ZNF536: variants seen among roughly 807,000 people sequenced by gnomAD.
ZNF536 encodes the protein zinc finger protein 536.
A neutral mutation model predicts 84.5 loss-of-function variants in ZNF536; 13 were observed. The observed-to-expected ratio is 0.15, with a 90% CI of 0.10 to 0.24. The LOEUF (loss-of-function observed/expected upper bound fraction) is 0.24. Ranked by LOEUF, ZNF536 falls within the 10% of genes least tolerant of loss-of-function variation. ZNF536 has a pLI of 1.00. For synonymous variants in ZNF536, 811 were observed against 742.5 expected (o/e 1.09, Z -1.50); for missense variants, 1,536 against 1,747.5 (o/e 0.88, Z 2.16).
intron 2 of ZNF536, among the ~76,000 whole-genome samples, chr19:30,295,141 A>T (rs1015135650): frequency 1.3e-5 from 2 of 152,318 alleles, no homozygotes; most frequent in African/African-American, 2.4e-5. Flanking sequence ...TGCATACTTA[A>T]CAGGCTCCCA....
At chr19:30,325,411 C>T (rs2046991643) in intron 2 of ZNF536, among the ~76,000 whole-genome samples, 1 of 152,192 alleles carries the variant, frequency 6.6e-6, no homozygotes, top group Non-Finnish European at 1.5e-5. Context: ...CAAGCTGCTC[C>T]CTTTTGGTGG....
chr19:30,259,433 G>A (rs893855552), intron 1 of ZNF536, among the ~76,000 whole-genome samples: 3 of 152,204 alleles, frequency 2.0e-5, no homozygotes, highest in Non-Finnish European at 4.4e-5. Flanking sequence ...TCACCAGGGA[G>A]CTTGTTAGAA....
chr19:30,667,909 C>A (rs562065606), intron 1 of ZNF536, among the ~76,000 whole-genome samples: 2 of 151,994 alleles, frequency 1.3e-5, no homozygotes, highest in Non-Finnish European at 2.9e-5. Context: ...CTCATTTCAT[C>A]GATGGGGAAA....
upstream of ZNF536, among the ~76,000 whole-genome samples, chr19:30,371,104 G>T (rs543008886): frequency 3.3e-5 from 5 of 152,348 alleles, no homozygotes; most frequent in East Asian, 9.6e-4. Context: ...TAGAATGCAG[G>T]CAGTGTCTGA....
At chr19:30,406,536 A>G (rs2050268004) in intron 1 of ZNF536, among the ~76,000 whole-genome samples, 1 of 152,224 alleles carries the variant, frequency 6.6e-6, no homozygotes, top group African/African-American at 2.4e-5. Flanking sequence ...TACCTGAGAT[A>G]GGAAATGCGT....
At position 30,445,433 on chromosome 19, in the gene ZNF536, G is replaced by A. The variant is rs368393123; in HGVS notation, c.1871G>A (p.Gly624Glu). 1.9e-5 allele frequency: 31 copies of A among 1,614,120 alleles called. No individual in the cohort carries two copies. The highest frequency in any genetic ancestry group is 2.6e-5 in the Non-Finnish European group (31 of 1,180,022). Reference protein sequence around the residue: ...QTLEYNLQGPGNMKEKPTECP... With the variant: ...QTLEYNLQGPENMKEKPTECP... Reference sequence around the variant, plus strand: ...CTCGAGTATAACCTGCAGGGTCCTGGGAACATGAAGGAGAAGCCCACCGAG... The same window carrying A: ...CTCGAGTATAACCTGCAGGGTCCTGAGAACATGAAGGAGAAGCCCACCGAG... Residue 624 changes from glycine to glutamate, a missense_variant, in exon 2 of 5, where the codon GGG (glycine) becomes GAG (glutamate). By Grantham distance (98) the Gly-to-Glu change is moderately conservative (BLOSUM62 -2). This residue lies in a region of ZNF536 where 366 missense variants were observed against 364.4 expected (regional missense o/e 1.00). Coordinates refer to ENST00000355537, the MANE Select transcript of ZNF536 (RefSeq NM_014717.3). The surrounding 1 kb of genome is among the most constrained non-coding windows in gnomAD (Gnocchi z 4.5).
Position 30,651,429 on chromosome 19 carries a change from G to A in ZNF536, c.170-59328G>A, listed in dbSNP as rs1296218379. The stretch of plus-strand genomic sequence containing the variant: ...CTCTTTCACCGTGCAGAAAGCAAGG[G>A]GGAGGGAGGAAGGGAAGCTCCAGGT... On this transcript the variant is annotated intron_variant, in intron 1 of 1. Coordinates refer to the ZNF536 transcript ENST00000592773. 3.9e-5 allele frequency among the ~76,000 whole-genome samples: 6 copies of A among 152,266 alleles called. No individual in the cohort carries two copies. In the East Asian group the frequency reaches 1.2e-3, roughly 29 times the overall value.
chr19:30,497,011 A>T (rs1383966121), intron 2 of ZNF536, among the ~76,000 whole-genome samples: 2 of 152,144 alleles, frequency 1.3e-5, no homozygotes, highest in East Asian at 3.9e-4. Flanking sequence ...CAGCAGTGTG[A>T]TGCTCTTTAC....
At chr19:30,404,415 G>A (rs2147570029) in intron 1 of ZNF536, among the ~76,000 whole-genome samples, 1 of 152,324 alleles carries the variant, frequency 6.6e-6, no homozygotes, top group South Asian at 2.1e-4. Context: ...TGAGGCGCAT[G>A]GCATGTGGAG....
intron 4 of ZNF536, among the ~76,000 whole-genome samples, chr19:30,552,306 C>T (rs1173262759): frequency 6.6e-6 from 1 of 152,184 alleles, no homozygotes; most frequent in Non-Finnish European, 1.5e-5. Flanking sequence ...GATTTCTCAT[C>T]TCAGATGGAT....
chr19:30,407,191 A>G (rs1453883250), intron 1 of ZNF536, among the ~76,000 whole-genome samples: 2 of 152,176 alleles, frequency 1.3e-5, no homozygotes, highest in Admixed American at 1.3e-4. Flanking sequence ...GACTGACCTT[A>G]TGATCCCCAG....
chr19:30,494,815 G>A (rs989861226), intron 2 of ZNF536, among the ~76,000 whole-genome samples: 1 of 151,872 alleles, frequency 6.6e-6, no homozygotes, highest in African/African-American at 2.4e-5. Flanking sequence ...GGGTGGTGGC[G>A]TGCACCTATA....
chr19:30,411,836 G>T (rs1341159744), intron 1 of ZNF536, among the ~76,000 whole-genome samples: 1 of 151,936 alleles, frequency 6.6e-6, no homozygotes, highest in Non-Finnish European at 1.5e-5. Context: ...TGATCTTATT[G>T]ATAATTTGAC....
intron 1 of ZNF536, among the ~76,000 whole-genome samples, chr19:30,281,409 C>G (rs1038686414): frequency 6.6e-6 from 1 of 152,212 alleles, no homozygotes; most frequent in African/African-American, 2.4e-5. Context: ...CCACCAGGGC[C>G]CTGCCTGCAC....
At chr19:30,679,538 G>A (rs894063769) in intron 1 of ZNF536, among the ~76,000 whole-genome samples, 5 of 152,220 alleles carry the variant, frequency 3.3e-5, no homozygotes, top group African/African-American at 7.2e-5. Context: ...TCCCCTCCAC[G>A]AACTGCCCCC....
chr19:30,242,616 C>T (rs2024017151), intron 1 of ZNF536, among the ~76,000 whole-genome samples: 1 of 152,178 alleles, frequency 6.6e-6, no homozygotes. Context: ...TTACTTAGGA[C>T]CTGACCCTTT....
At chr19:30,630,467 C>T (rs974847033) in intron 1 of ZNF536, among the ~76,000 whole-genome samples, 5 of 151,996 alleles carry the variant, frequency 3.3e-5, no homozygotes, top group Non-Finnish European at 7.4e-5. Context: ...CCTGCATTTG[C>T]ATGGCTGTGT....
intron 1 of ZNF536, among the ~76,000 whole-genome samples, chr19:30,238,823 T>TAA (rs11383447): frequency 1.1e-3 from 156 of 145,626 alleles, no homozygotes; most frequent in East Asian, 8.5e-3. Context: ...TGTTCCAAAT[T>TAA]AAAAAAAAAA....
chr19:30,247,245 T>A (rs2024331042), intron 1 of ZNF536, among the ~76,000 whole-genome samples: 1 of 152,160 alleles, frequency 6.6e-6, no homozygotes. Flanking sequence ...AAACACAGGG[T>A]GGAGGCAGAA....
Sources: gnomAD v4.1 joint callset for allele counts (sites outside exome capture counted in the v4.1 genomes callset) on GRCh38, gnomAD v4.1.1 for gene constraint, gnomAD v4.1.1 regional missense constraint, Gnocchi (gnomAD v3.1) non-coding constraint, MANE v1.5 for transcripts, NCBI Gene and HGNC (gene_info 2026-07-23, HGNC 2026-07-21) for gene names.